The following KIDINS220 variants were observed in gnomAD, a reference collection of about 807,000 sequenced individuals.
The protein encoded by KIDINS220 is kinase D-interacting substrate of 220 kDa.
In KIDINS220, 63 loss-of-function variants were observed where a neutral mutation model predicts 157.6. That is an observed-to-expected ratio of 0.40 (90% CI 0.33 to 0.49). The LOEUF is 0.49. Ranked by LOEUF, KIDINS220 falls within the 20% of genes least tolerant of loss-of-function variation. KIDINS220 has a pLI of 0.66. For synonymous variants in KIDINS220, 732 were observed against 783.6 expected, an observed-to-expected ratio of 0.93 and a Z score of 1.10; for missense variants, 1,772 against 2,171.2, an observed-to-expected ratio of 0.82 and a Z score of 3.65.
At chr2:8,817,555 C>G (rs1321292292) in intron 4 of KIDINS220, 63 bp downstream of exon 4, 1 of 928,984 alleles carries the variant, frequency 1.1e-6, no homozygotes, top group African/African-American at 1.7e-5. Flanking sequence ...TAAAATATTT[C>G]ACACATATCT....
intron 20 of KIDINS220, among the ~76,000 whole-genome samples, chr2:8,777,769 G>A (rs1475796541): frequency 6.6e-6 from 1 of 152,154 alleles, no homozygotes; most frequent in African/African-American, 2.4e-5. Context: ...CTAAGGTCCC[G>A]ATGCAAGGGA....
intron 15 of KIDINS220, among the ~76,000 whole-genome samples, chr2:8,788,056 T>A (rs1231260836): frequency 1.3e-5 from 2 of 152,114 alleles, no homozygotes; most frequent in African/African-American, 2.4e-5. Context: ...ACAGGTGACA[T>A]AACAGGGAGA....
chr2:8,756,152 A>G (rs1667985314), intron 22 of KIDINS220, among the ~76,000 whole-genome samples: 1 of 152,180 alleles, frequency 6.6e-6, no homozygotes. Context: ...AAATTCTTTT[A>G]GCAATTTTTT....
At chr2:8,737,220 C>G (rs530580528) in intron 26 of KIDINS220, 1 of 387,518 alleles carries the variant, frequency 2.6e-6, no homozygotes, top group East Asian at 4.1e-5. Flanking sequence ...TGGTCAAAAC[C>G]ATTTTTTCTA....
chr2:8,798,522 T>C (rs555039080), intron 9 of KIDINS220, among the ~76,000 whole-genome samples: 8 of 152,306 alleles, frequency 5.3e-5, no homozygotes, highest in East Asian at 1.9e-4. Context: ...CAATCCCACA[T>C]AGTTAATAAA....
intron 21 of KIDINS220, among the ~76,000 whole-genome samples, chr2:8,772,631 GAAC>G (rs1216716890): frequency 2.6e-5 from 4 of 151,804 alleles, no homozygotes; most frequent in Admixed American, 2.0e-4. Context: ...AGAAAATTCT[GAAC>G]AACGAATATG....
At chr2:8,823,467 T>C (rs1184697381) in intron 2 of KIDINS220, among the ~76,000 whole-genome samples, 4 of 151,040 alleles carry the variant, frequency 2.6e-5, no homozygotes, top group African/African-American at 7.3e-5. Flanking sequence ...ACTTTTACAC[T>C]GAGCCATAAC....
At chr2:8,750,048 A>C (rs1667114808) in intron 24 of KIDINS220, 64 bp downstream of exon 24, 5 of 1,395,128 alleles carry the variant, frequency 3.6e-6, no homozygotes, top group Non-Finnish European at 5.0e-6. Flanking sequence ...AGAATCCACA[A>C]GCAGAAAACT....
At position 8,785,824 on chromosome 2, in the gene KIDINS220, C is replaced by A. The variant is rs867799016; in HGVS notation, c.2146G>T (p.Asp716Tyr). The A allele has an allele frequency of 1.9e-6, 3 of 1,614,144 alleles. No individual in the cohort carries two copies. The highest frequency in any genetic ancestry group is 2.7e-5 in the African/African-American group (2 of 75,022). Residue 716 changes from aspartate to tyrosine, a missense_variant, in exon 17 of 30, where the codon GAC (aspartate) becomes TAC (tyrosine). Coordinates refer to ENST00000256707, the MANE Select transcript of KIDINS220 (RefSeq NM_020738.4). Reference sequence around the variant, plus strand: ...TTTCTTTGGGAATTCAGGAGCGAGTCCAGCACTTGCCACCATGTACGACAG... The same window carrying A: ...TTTCTTTGGGAATTCAGGAGCGAGTACAGCACTTGCCACCATGTACGACAG... ...LNCRTWWQVL[D>Y]SLLNSQRKRL...
chr2:8,789,357 G>A (rs1194712703), intron 14 of KIDINS220, among the ~76,000 whole-genome samples: 1 of 51,574 alleles, frequency 1.9e-5, no homozygotes, highest in African/African-American at 3.8e-5. Context: ...GCGCCATCTC[G>A]GCTCACTGCA....
intron 26 of KIDINS220, among the ~76,000 whole-genome samples, chr2:8,744,402 AT>A (rs1324044900): frequency 0.012 from 41 of 3,374 alleles, 5 homozygotes; most frequent in African/African-American, 0.036. Context: ...TATATATATA[AT>A]ATATATATAT....
chr2:8,783,639 A>G (rs115756440), intron 17 of KIDINS220, among the ~76,000 whole-genome samples: 377 of 152,352 alleles, frequency 2.5e-3, no homozygotes, highest in Non-Finnish European at 4.4e-3. Flanking sequence ...GCAAGATTTC[A>G]GATTAATACA....
Position 8,729,977 on chromosome 2 carries a change from C to T in KIDINS220, c.*743G>A, listed in dbSNP as rs987190432. Reference sequence around the variant, plus strand: ...GAACAGACCAGGGTGGCTTCTTGGGCACAGCTGGATGGTGCTGGAAGCCAG... The same window carrying T: ...GAACAGACCAGGGTGGCTTCTTGGGTACAGCTGGATGGTGCTGGAAGCCAG... On this transcript the variant is annotated 3_prime_UTR_variant, in exon 30 of 30. Transcript: ENST00000256707. The T allele has an allele frequency of 3.0e-6, 3 of 985,226 alleles. No homozygotes were observed. In the Admixed American group the frequency reaches 1.8e-4, roughly 61 times the overall value. The allele number at this position is 985,226 out of a possible 1,614,324, so 61.0% of individuals were successfully genotyped here.
downstream of KIDINS220, chr2:8,724,719 C>CA (rs1180456467): frequency 6.6e-6 from 1 of 152,296 alleles, no homozygotes; most frequent in Non-Finnish European, 1.5e-5. This position sits in a 1 kb window ranked among gnomAD's most constrained non-coding sequence, Gnocchi z 4.6. Context: ...CTCAACCTCT[C>CA]AGGCTCAGGG....
chr2:8,769,555 A>C (rs1210084584), intron 22 of KIDINS220, among the ~76,000 whole-genome samples: 2 of 152,246 alleles, frequency 1.3e-5, no homozygotes, highest in African/African-American at 4.8e-5. Context: ...TTATGTATAA[A>C]TATAACATGC....
intron 26 of KIDINS220, among the ~76,000 whole-genome samples, chr2:8,742,303 G>A (rs1018120941): frequency 2.0e-5 from 3 of 147,224 alleles, no homozygotes; most frequent in African/African-American, 7.6e-5. Context: ...GTCTTGCTAT[G>A]TTGCCTAGGC....
intron 17 of KIDINS220, among the ~76,000 whole-genome samples, chr2:8,780,304 G>A (rs1671518227): frequency 6.6e-6 from 1 of 152,114 alleles, no homozygotes; most frequent in South Asian, 2.1e-4. Context: ...TTAGACAGTA[G>A]TTGCTAACTC....
At chr2:8,723,437 G>GT (rs1473589235), downstream of KIDINS220, 5 of 152,206 alleles carry the variant, frequency 3.3e-5, no homozygotes. Context: ...AGAAATAAAC[G>GT]TCAAATGTAT....
chr2:8,779,268 T>C (rs1671377478), intron 18 of KIDINS220, 129 bp from the exon 19 acceptor site: 3 of 1,256,502 alleles, frequency 2.4e-6, no homozygotes, highest in African/African-American at 1.5e-5. Flanking sequence ...TCATCAAAAC[T>C]TACTCTGCAC....
Sources: gnomAD v4.1 joint callset for allele counts (sites outside exome capture counted in the v4.1 genomes callset) on GRCh38, gnomAD v4.1.1 for gene constraint, Gnocchi (gnomAD v3.1) non-coding constraint, MANE v1.5 for transcripts, NCBI Gene and HGNC (gene_info 2026-07-23, HGNC 2026-07-21) for gene names.